The following SLX4IP variants were observed in gnomAD, a reference collection of about 807,000 sequenced individuals.
SLX4IP encodes the protein SLX4 interacting protein.
In SLX4IP, 34 loss-of-function variants were observed where a neutral mutation model predicts 32.9. That is an observed-to-expected ratio of 1.03 (90% CI 0.79 to 1.38). SLX4IP has a LOEUF of 1.38. SLX4IP is among the 40% of genes most tolerant of loss of function. SLX4IP has a pLI of 0.00. For missense variants in SLX4IP, 444 were observed against 479.0 expected, an observed-to-expected ratio of 0.93 and a Z score of 0.68; for synonymous variants, 172 against 171.7, an observed-to-expected ratio of 1.00 and a Z score of -0.01.
chr20:10,548,507 G>A (rs927150081), intron 2 of SLX4IP, among the ~76,000 whole-genome samples: 1 of 152,164 alleles, frequency 6.6e-6, no homozygotes, highest in Non-Finnish European at 1.5e-5. Flanking sequence ...ACAGAGTGCT[G>A]GGATTACAGG....
intron 1 of SLX4IP, among the ~76,000 whole-genome samples, chr20:10,455,211 A>T (rs1056659637): frequency 6.6e-6 from 1 of 152,158 alleles, no homozygotes; most frequent in South Asian, 2.1e-4. Context: ...TTTGAAGTAT[A>T]AAAGTTTTTA....
chr20:10,458,657 C>G (rs897114125), intron 2 of SLX4IP, among the ~76,000 whole-genome samples: 2 of 152,156 alleles, frequency 1.3e-5, no homozygotes, highest in Non-Finnish European at 2.9e-5. Context: ...ATAATGCCTT[C>G]CAGCTCCATC....
intron 4 of SLX4IP, among the ~76,000 whole-genome samples, chr20:10,567,019 G>C (rs2066402810): frequency 6.6e-6 from 1 of 152,214 alleles, no homozygotes; most frequent in South Asian, 2.1e-4. Flanking sequence ...TTGGTGGCAA[G>C]GCTCAGATTA....
intron 6 of SLX4IP, among the ~76,000 whole-genome samples, chr20:10,618,571 C>G (rs2067066193): frequency 6.6e-6 from 1 of 152,184 alleles, no homozygotes; most frequent in Admixed American, 6.5e-5. Flanking sequence ...GTTGGTTAAT[C>G]TAATTTTTTA....
chr20:10,518,536 TCC>T (rs879709357), intron 2 of SLX4IP, among the ~76,000 whole-genome samples: 5,498 of 117,014 alleles, frequency 0.047, 404 homozygotes, highest in Middle Eastern at 0.067. Flanking sequence ...CTTCCTTCCT[TCC>T]TTCCTTCCTT....
intron 2 of SLX4IP, among the ~76,000 whole-genome samples, chr20:10,477,637 G>C (rs2065486863): frequency 2.0e-5 from 3 of 152,076 alleles, no homozygotes; most frequent in African/African-American, 7.3e-5. Context: ...CTAGGATCTT[G>C]GTTCCTTCTC....
chr20:10,558,662 A>G (rs1037434025), intron 3 of SLX4IP, among the ~76,000 whole-genome samples: 12 of 152,192 alleles, frequency 7.9e-5, no homozygotes, highest in Non-Finnish European at 2.9e-5. Flanking sequence ...TTGTACCCAA[A>G]CAGTTGAAGT....
At chr20:10,557,458 T>TC (rs2066278711) in intron 3 of SLX4IP, among the ~76,000 whole-genome samples, 1 of 152,242 alleles carries the variant, frequency 6.6e-6, no homozygotes, top group Non-Finnish European at 1.5e-5. Context: ...TCTTCAGGAC[T>TC]TTTAAATATT....
intron 1 of SLX4IP, among the ~76,000 whole-genome samples, chr20:10,435,979 T>C (rs2065108975): frequency 6.6e-6 from 1 of 152,232 alleles, no homozygotes; most frequent in Admixed American, 6.5e-5. Flanking sequence ...CAGTATTTTA[T>C]GGTTCTTAGC....
chr20:10,502,405 A>G (rs961052062), intron 2 of SLX4IP, among the ~76,000 whole-genome samples: 12 of 152,136 alleles, frequency 7.9e-5, no homozygotes, highest in African/African-American at 2.4e-4. Context: ...GATCCAGGCC[A>G]TCTTATGTAG....
intron 2 of SLX4IP, among the ~76,000 whole-genome samples, chr20:10,525,145 TGTG>T (rs2065930785): frequency 6.6e-6 from 1 of 152,238 alleles, no homozygotes; most frequent in African/African-American, 2.4e-5. Flanking sequence ...TTATTTTAAA[TGTG>T]GTTTCTTTAT....
At chr20:10,621,469 G>A in intron 7 of SLX4IP, 55 bp downstream of exon 7, 6 of 1,494,044 alleles carry the variant, frequency 4.0e-6, no homozygotes, top group Non-Finnish European at 5.6e-6. Context: ...TGTATGGATA[G>A]ATAACATGAA....
chr20:10,620,262 T>C (rs2067092305), intron 6 of SLX4IP, among the ~76,000 whole-genome samples: 1 of 152,238 alleles, frequency 6.6e-6, no homozygotes, highest in Non-Finnish European at 1.5e-5. Context: ...TAACACCTTG[T>C]ATGGATTATC....
rs183961051 is a variant in SLX4IP, at chr20:10,507,257, T to C, written c.28-48974T>C. 3.0e-4 allele frequency among the ~76,000 whole-genome samples: 46 copies of C among 152,162 alleles called. No individual in the cohort carries two copies. In the East Asian group the frequency reaches 6.6e-3, roughly 22 times the overall value. On this transcript the variant is annotated intron_variant, in intron 2 of 7. Coordinates refer to ENST00000334534, the MANE Select transcript of SLX4IP (RefSeq NM_001009608.3). The stretch of plus-strand genomic sequence containing the variant: ...GCGATTTGAACTAAAACCCGGAAGA[T>C]GTGAAGAACCCGTCATGTGTAGAGT...
intron 2 of SLX4IP, among the ~76,000 whole-genome samples, chr20:10,517,955 ATAG>A (rs1360822875): frequency 6.6e-6 from 1 of 152,218 alleles, no homozygotes; most frequent in African/African-American, 2.4e-5. Context: ...CCGAGAATAA[ATAG>A]TAGTTTACAA....
chr20:10,515,683 T>C (rs1381359227), intron 2 of SLX4IP, among the ~76,000 whole-genome samples: 1 of 152,250 alleles, frequency 6.6e-6, no homozygotes. Context: ...GGCATAAGCA[T>C]AGCTCATTTA....
rs1272480769 is a variant in SLX4IP, at chr20:10,626,819, C to T, written c.*3440C>T. 1.3e-5 allele frequency: 2 copies of T among 152,108 alleles called. No individual in the cohort carries two copies. The highest frequency in any genetic ancestry group is 2.4e-5 in the African/African-American group (1 of 41,408). The allele number at this position is 152,108 out of a possible 1,614,324, so 9.4% of individuals were successfully genotyped here. ...GAAGTGTATTTCATTTTATAAAAAG[C>T]AAGAATCATAAAAACCCTCTGTATT... On this transcript the variant is annotated 3_prime_UTR_variant, in exon 8 of 8. Coordinates refer to ENST00000334534, the MANE Select transcript of SLX4IP (RefSeq NM_001009608.3).
Position 10,582,290 on chromosome 20 carries a change from CTGTT to C in SLX4IP, c.239-16379_239-16376del, listed in dbSNP as rs565306067. 1.6e-4 allele frequency among the ~76,000 whole-genome samples: 25 copies of C among 152,254 alleles called. 1 individual carries two copies. In the South Asian group the frequency reaches 5.2e-3, roughly 32 times the overall value. On this transcript the variant is annotated intron_variant, in intron 4 of 7. Coordinates refer to ENST00000334534, the MANE Select transcript of SLX4IP (RefSeq NM_001009608.3). ...CTCCATAGGCCATTAGAGTGTCAGT[CTGTT>C]TGTTTCCTACTCTTATTTTAAATTC...
chr20:10,519,008 A>G (rs1181509108), intron 2 of SLX4IP, among the ~76,000 whole-genome samples: 1 of 152,182 alleles, frequency 6.6e-6, no homozygotes, highest in Non-Finnish European at 1.5e-5. Flanking sequence ...TAATTGTAAA[A>G]TTATTGCATT....
Sources: allele counts gnomAD v4.1 joint callset (sites outside exome capture counted in the v4.1 genomes callset), GRCh38; gene constraint gnomAD v4.1.1; transcripts MANE v1.5; gene names NCBI Gene and HGNC (gene_info 2026-07-23, HGNC 2026-07-21).